Variants in TAFA2 observed in about 807,000 individuals in gnomAD.
TAFA2 encodes the protein chemokine-like protein TAFA-2.
A neutral mutation model predicts 18.8 loss-of-function variants in TAFA2; 7 were observed. That is an observed-to-expected ratio of 0.37 (90% CI 0.21 to 0.70). The LOEUF is 0.70. Among genes scored for constraint, TAFA2 ranks in the 30% least tolerant of loss-of-function variants. The pLI is 0.53. For synonymous variants in TAFA2, 60 were observed against 54.2 expected (o/e 1.11, Z -0.47); for missense variants, 122 against 158.1 (o/e 0.77, Z 1.23).
At chr12:61,873,675 T>C (rs1433318260) in intron 1 of TAFA2, among the ~76,000 whole-genome samples, 2 of 152,204 alleles carry the variant, frequency 1.3e-5, no homozygotes, top group Non-Finnish European at 2.9e-5. Flanking sequence ...TTGTTCTTAC[T>C]AATAGATTAA....
At chr12:62,219,851 CT>C (rs2062753339) in intron 1 of TAFA2, among the ~76,000 whole-genome samples, 2 of 152,266 alleles carry the variant, frequency 1.3e-5, no homozygotes, top group East Asian at 3.9e-4. Flanking sequence ...AACACAAAAT[CT>C]CATTCTTTTG....
At chr12:61,732,582 A>G (rs1174512018) in intron 4 of TAFA2, among the ~76,000 whole-genome samples, 3 of 151,902 alleles carry the variant, frequency 2.0e-5, no homozygotes, top group African/African-American at 7.3e-5. Flanking sequence ...GACAATGCAG[A>G]CCTCTATTTA....
intron 1 of TAFA2, among the ~76,000 whole-genome samples, chr12:62,211,389 G>A (rs2136973262): frequency 6.6e-6 from 1 of 152,192 alleles, no homozygotes; most frequent in African/African-American, 2.4e-5. Context: ...GACCATCTTG[G>A]CTAACATGGT....
chr12:62,201,355 A>G (rs1420587513), intron 1 of TAFA2, among the ~76,000 whole-genome samples: 1 of 152,154 alleles, frequency 6.6e-6, no homozygotes, highest in Non-Finnish European at 1.5e-5. Flanking sequence ...CCTATTCAGT[A>G]TGACATTGGC....
chr12:61,757,999 T>C (rs1298453058), intron 2 of TAFA2, among the ~76,000 whole-genome samples: 2 of 152,038 alleles, frequency 1.3e-5, no homozygotes, highest in African/African-American at 2.4e-5. Flanking sequence ...GGGATATTAA[T>C]AGCACAATCT....
chr12:61,768,367 G>T (rs188267284), intron 2 of TAFA2, among the ~76,000 whole-genome samples: 1 of 152,276 alleles, frequency 6.6e-6, no homozygotes, highest in East Asian at 1.9e-4. Flanking sequence ...GGACAGAGCA[G>T]CTTGTGGAGA....
intron 1 of TAFA2, among the ~76,000 whole-genome samples, chr12:62,066,123 A>T (rs2136795407): frequency 9.9e-6 from 1 of 101,290 alleles, no homozygotes; most frequent in Admixed American, 1.1e-4. Context: ...TTGCTGAAAC[A>T]GCCGTGTGTG....
chr12:61,805,537 T>C (rs1217916944), intron 2 of TAFA2, among the ~76,000 whole-genome samples: 2 of 152,148 alleles, frequency 1.3e-5, no homozygotes, highest in African/African-American at 2.4e-5. Context: ...GCCCAAATGT[T>C]AAACTCTGGT....
At chr12:62,054,181 GA>G (rs1462476135) in intron 1 of TAFA2, among the ~76,000 whole-genome samples, 1 of 152,094 alleles carries the variant, frequency 6.6e-6, no homozygotes, top group Non-Finnish European at 1.5e-5. Flanking sequence ...AAGCAGATCA[GA>G]AATCAAAAAA....
In TAFA2 at chr12:62,217,973, T is replaced by A. The variant is rs2062743368; in HGVS notation, c.-130+40790A>T. ...TTATCTATTTTTATGTATGTATTTA[T>A]TTATTTATTTATTTATTTATTTATT... is the stretch of plus-strand genomic sequence containing the variant. On this transcript the variant is annotated intron_variant, in intron 1 of 5. Coordinates refer to the TAFA2 transcript ENST00000551619. 4.1e-5 allele frequency among the ~76,000 whole-genome samples: 4 copies of A among 98,056 alleles called. No homozygotes were observed. In the South Asian group the frequency reaches 1.2e-3, roughly 30 times the overall value. 64.3% of individuals were successfully genotyped at this position (98,056 alleles called of 152,430 possible).
Position 61,754,939 on chromosome 12 carries a change from T to C in TAFA2, c.192A>G (p.Thr64=), listed in dbSNP as rs2120762049. ...GCCCAGGGAAGCAGGAGCACTTGAC[T>C]GTTTGTGACCGTTCTTCTATCTTGT... is the stretch of plus-strand genomic sequence containing the variant. The part of the protein sequence containing the change: ...NKNKIEERSQ[T]VKCSCFPGQV... The change falls in exon 3 of 5, where the codon ACA becomes ACG. Residue 64 remains threonine (T), a synonymous_variant. Coordinates refer to ENST00000416284, the MANE Select transcript of TAFA2 (RefSeq NM_178539.5). The C allele has an allele frequency of 5.6e-6, 9 of 1,613,060 alleles. No individual in the cohort carries two copies. The highest frequency in any genetic ancestry group is 2.2e-5 in the East Asian group (1 of 44,712).
intron 1 of TAFA2, among the ~76,000 whole-genome samples, chr12:62,154,713 A>AT (rs1410729256): frequency 2.6e-5 from 4 of 152,126 alleles, no homozygotes; most frequent in African/African-American, 7.2e-5. Context: ...ATTTACGATA[A>AT]TTTTTCTAAT....
At chr12:61,919,360 C>G (rs182609633) in intron 1 of TAFA2, among the ~76,000 whole-genome samples, 3 of 152,292 alleles carry the variant, frequency 2.0e-5, no homozygotes, top group Admixed American at 2.0e-4. Flanking sequence ...TGCTTAGTCC[C>G]TCTCATATGT....
intron 1 of TAFA2, among the ~76,000 whole-genome samples, chr12:61,958,824 T>C (rs368386434): frequency 6.6e-6 from 1 of 152,036 alleles, no homozygotes; most frequent in Non-Finnish European, 1.5e-5. Context: ...TTTTTCTATA[T>C]AGGTAACGGA....
chr12:62,022,408 T>G (rs1300172000), intron 1 of TAFA2, among the ~76,000 whole-genome samples: 1 of 152,216 alleles, frequency 6.6e-6, no homozygotes, highest in African/African-American at 2.4e-5. Flanking sequence ...AACACTGGGA[T>G]GTAAGGATTA....
Position 62,113,461 on chromosome 12 carries a change from G to C in TAFA2, c.-2+77798C>G, listed in dbSNP as rs558532436. Among the ~76,000 whole-genome samples the C allele has an allele frequency of 8.5e-5, 13 of 152,316 alleles. No homozygotes were observed. In the South Asian group the frequency reaches 2.5e-3, roughly 29 times the overall value. On this transcript the variant is annotated intron_variant, in intron 1 of 4. Transcript: ENST00000416284. ...TGTCTCCCAGTCAGGAGGCACAGGA[G>C]GCACGGAGTTCAGGGACTCACTTGA... is the stretch of plus-strand genomic sequence containing the variant.
chr12:61,764,586 A>C (rs1869708195), intron 2 of TAFA2, among the ~76,000 whole-genome samples: 1 of 152,026 alleles, frequency 6.6e-6, no homozygotes, highest in Admixed American at 6.6e-5. Flanking sequence ...AAAATGAAGA[A>C]ATCAGACTAG....
intron 2 of TAFA2, among the ~76,000 whole-genome samples, chr12:61,788,780 T>C (rs888940848): frequency 6.6e-6 from 1 of 151,656 alleles, no homozygotes; most frequent in Non-Finnish European, 1.5e-5. Context: ...AACAAACTAA[T>C]AATCTAGAAG....
chr12:61,820,568 A>AAAGG (rs1280117648), intron 2 of TAFA2, among the ~76,000 whole-genome samples: 38 of 152,102 alleles, frequency 2.5e-4, no homozygotes, highest in African/African-American at 7.7e-4. Context: ...GGAAGGAAAA[A>AAAGG]AAGGAAGGAA....
Sources: allele counts gnomAD v4.1 joint callset (sites outside exome capture counted in the v4.1 genomes callset), GRCh38; gene constraint gnomAD v4.1.1; transcripts MANE v1.5; gene names NCBI Gene and HGNC (gene_info 2026-07-23, HGNC 2026-07-21).